The following GAS1 variants were observed in gnomAD, a reference collection of about 807,000 sequenced individuals.
GAS1 encodes growth arrest-specific protein 1.
In GAS1, 10 loss-of-function variants were observed where a neutral mutation model predicts 21.6. The observed-to-expected ratio is 0.46, with a 90% CI of 0.29 to 0.79. The LOEUF (loss-of-function observed/expected upper bound fraction) is 0.79. Among genes scored for constraint, GAS1 ranks in the 30% least tolerant of loss-of-function variants. The pLI is 0.10. For missense variants in GAS1, 567 were observed against 544.3 expected (o/e 1.04, Z -0.42); for synonymous variants, 332 against 264.0 (o/e 1.26, Z -2.50).
Position 86,946,745 on chromosome 9 carries a change from G to A in GAS1, c.35C>T (p.Ala12Val), listed in dbSNP as rs1055916094. The change falls in exon 1 of 1, where the codon GCC (alanine) becomes GTC (valine). Residue 12 changes from alanine (A) to valine (V), a missense_variant. Transcript: ENST00000298743. This position sits in a 1 kb window ranked among gnomAD's most constrained non-coding sequence, Gnocchi z 5.2. ...GGCGCCCGGCACTGTCCCCCCGCGGGCCTCGCCGCCGCCGCCCAGCAGCGC... is the reference window on the plus strand; with the variant it reads ...GGCGCCCGGCACTGTCCCCCCGCGGACCTCGCCGCCGCCGCCCAGCAGCGC... ...VAALLGGGGE[A>V]RGGTVPGAWL... 53 of 1,231,632 alleles carry A rather than the reference G, an allele frequency of 4.3e-5. No individual in the cohort carries two copies. The highest frequency in any genetic ancestry group is 5.3e-5 in the Non-Finnish European group (50 of 951,198). 76.3% of individuals were successfully genotyped at this position (1,231,632 alleles called of 1,614,324 possible).
At position 86,946,733 on chromosome 9, in the gene GAS1, GT is replaced by G; in HGVS notation, c.46del (p.Thr16GlnfsTer9). 1 of 1,308,018 alleles carries G rather than the reference GT, an allele frequency of 7.6e-7. No individual in the cohort carries two copies. The highest frequency in any genetic ancestry group is 1.9e-5 in the South Asian group (1 of 53,644). 81.0% of individuals were successfully genotyped at this position (1,308,018 alleles called of 1,614,324 possible). ...LGGGGEARGG[T>X]VPGAWLCLMA... ...CAGGCACAGCCAGGCGCCCGGCACTGTCCCCCCGCGGGCCTCGCCGCCGCCG... is the reference window on the plus strand; with the variant it reads ...CAGGCACAGCCAGGCGCCCGGCACTGCCCCCCGCGGGCCTCGCCGCCGCCG... On this transcript the variant is annotated frameshift_variant, in exon 1 of 1. Coordinates refer to ENST00000298743, the MANE Select transcript of GAS1 (RefSeq NM_002048.3). LOFTEE classifies it high-confidence loss of function. This position sits in a 1 kb window ranked among gnomAD's most constrained non-coding sequence, Gnocchi z 5.2.
Position 86,945,924 on chromosome 9 carries a change from C to T in GAS1, c.856G>A (p.Asp286Asn), listed in dbSNP as rs780204293. ...GGAGGEQPLD[D>N]DDGVPHPPRP... ...GGTGGGTGCGGGACGCCGTCGTCGT[C>T]GTCCAGCGGCTGCTCACCACCCGCG... Residue 286 changes from aspartate to asparagine, a missense_variant, in exon 1 of 1, where the codon GAC (aspartate) becomes AAC (asparagine). By Grantham distance (23) the Asp-to-Asn change is conservative. Coordinates refer to ENST00000298743, the MANE Select transcript of GAS1 (RefSeq NM_002048.3). The T allele has an allele frequency of 7.6e-6, 12 of 1,576,028 alleles. No homozygotes were observed. The highest frequency in any genetic ancestry group is 2.7e-5 in the African/African-American group (2 of 73,526).
In GAS1 at chr9:86,945,947, G is replaced by A; in HGVS notation, c.833C>T (p.Ala278Val). Reference protein sequence around the residue: ...DYDDEQRTGGAGGEQPLDDDD... With the variant: ...DYDDEQRTGGVGGEQPLDDDD... ...GTCGTCCAGCGGCTGCTCACCACCC[G>A]CGCCCCCGGTGCGCTGCTCGTCATC... The change falls in exon 1 of 1, where the codon GCG (alanine) becomes GTG (valine). Residue 278 changes from alanine to valine, a missense_variant. Physicochemically the swap from Ala to Val is moderately conservative, Grantham distance 64. Transcript: ENST00000298743. 1 of 1,593,850 alleles carries A rather than the reference G, an allele frequency of 6.3e-7. No individual in the cohort carries two copies.
In GAS1 at chr9:86,946,322, C is replaced by T; in HGVS notation, c.458G>A (p.Gly153Asp). The T allele has an allele frequency of 7.1e-7, 1 of 1,411,934 alleles. No homozygotes were observed. The highest frequency in any genetic ancestry group is 9.2e-7 in the Non-Finnish European group (1 of 1,085,922). The allele number at this position is 1,411,934 out of a possible 1,614,324, so 87.5% of individuals were successfully genotyped here. A position where few individuals can be genotyped will look rare whatever the true frequency, so the allele number is the denominator to read the frequency against. Residue 153 changes from glycine to aspartate, a missense_variant, in exon 1 of 1, where the codon GGC becomes GAC. Physicochemically the swap from Gly to Asp is moderately conservative, Grantham distance 94 (BLOSUM62 -1). Transcript: ENST00000298743. The surrounding 1 kb of genome is among the most constrained non-coding windows in gnomAD (Gnocchi z 5.2). ...GCCCGCGCCGGGGCCGCCCGCGCCG[C>T]CGCCGCTCGTCCGGGGCAGGCACGG... Reference protein sequence around the residue: ...IEPCLPRTSGGGAGGPGAGGV... With the variant: ...IEPCLPRTSGDGAGGPGAGGV...
In GAS1 at chr9:86,944,672, G is replaced by C. The variant is rs1253341195; in HGVS notation, c.*1070C>G. 6.6e-6 allele frequency: 1 copy of C among 152,090 alleles called. No individual in the cohort carries two copies. The highest frequency in any genetic ancestry group is 2.4e-5 in the African/African-American group (1 of 41,396). 9.4% of individuals were successfully genotyped at this position (152,090 alleles called of 1,614,324 possible). The stretch of plus-strand genomic sequence containing the variant: ...TGACAAATGGATTCTATACATTTCA[G>C]GGGGGAAAGGTGTAATATGGATGTG... On this transcript the variant is annotated 3_prime_UTR_variant, in exon 1 of 1. Transcript: ENST00000298743.
In GAS1 at chr9:86,945,795, C is replaced by A. The variant is rs941282755; in HGVS notation, c.985G>T (p.Ala329Ser). Residue 329 changes from alanine (A) to serine (S), a missense_variant, in exon 1 of 1, where the codon GCC becomes TCC. Physicochemically the swap from Ala to Ser is moderately conservative, Grantham distance 99 (BLOSUM62 1). Coordinates refer to ENST00000298743, the MANE Select transcript of GAS1 (RefSeq NM_002048.3). ...GGGGRLAPRG[A>S]WTPLASILLL... is the part of the protein sequence containing the mutation. ...AAGATGGAGGCGAGTGGGGTCCAGG[C>A]GCCCCGGGGCGCCAAGCGGCCGCCG... 2.6e-6 allele frequency: 4 copies of A among 1,517,690 alleles called. No individual in the cohort carries two copies. Among genetic ancestry groups the A allele is most frequent in the Admixed American group, 2.1e-5 (1 of 48,414 alleles). The allele number at this position is 1,517,690 out of a possible 1,614,324, so 94.0% of individuals were successfully genotyped here.
Position 86,944,454 on chromosome 9 carries a change from G to C in GAS1, c.*1288C>G, listed in dbSNP as rs1443177951. ...AATCCATAGTTATTTAAAAACTTAG[G>C]ATTTTTAAAAAACATGTCTATAAAA... On this transcript the variant is annotated 3_prime_UTR_variant, in exon 1 of 1. Transcript: ENST00000298743. 1 of 152,010 alleles carries C rather than the reference G, an allele frequency of 6.6e-6. No individual in the cohort carries two copies. Among genetic ancestry groups the C allele is most frequent in the African/African-American group, 2.4e-5 (1 of 41,352 alleles). 9.4% of individuals were successfully genotyped at this position (152,010 alleles called of 1,614,324 possible). A position where few individuals can be genotyped will look rare whatever the true frequency, so the allele number is the denominator to read the frequency against.
At position 86,946,781 on chromosome 9, in the gene GAS1, G is replaced by T; in HGVS notation, c.-2C>A. The T allele has an allele frequency of 1.1e-6, 1 of 909,086 alleles. No individual in the cohort carries two copies. The highest frequency in any genetic ancestry group is 1.5e-6 in the Non-Finnish European group (1 of 664,168). 56.3% of individuals were successfully genotyped at this position (909,086 alleles called of 1,614,324 possible). A position where few individuals can be genotyped will look rare whatever the true frequency, so the allele number is the denominator to read the frequency against. ...GCCGCCCAGCAGCGCGGCCACCATC[G>T]CGGGCAGCGGCGGCCGCCGGGAGAG... On this transcript the variant is annotated 5_prime_UTR_variant, in exon 1 of 1. Coordinates refer to ENST00000298743, the MANE Select transcript of GAS1 (RefSeq NM_002048.3). This position sits in a 1 kb window ranked among gnomAD's most constrained non-coding sequence, Gnocchi z 5.2.
Position 86,947,095 on chromosome 9 carries a change from C to T in GAS1, c.-316G>A. 1 of 211,748 alleles carries T rather than the reference C, an allele frequency of 4.7e-6. No individual in the cohort carries two copies. Among genetic ancestry groups the T allele is most frequent in the Non-Finnish European group, 9.9e-6 (1 of 101,070 alleles). The allele number at this position is 211,748 out of a possible 1,614,324, so 13.1% of individuals were successfully genotyped here. On this transcript the variant is annotated 5_prime_UTR_variant, in exon 1 of 1. Coordinates refer to ENST00000298743, the MANE Select transcript of GAS1 (RefSeq NM_002048.3). ...CCCGGGGGGGTGCGGGCCGCGGGGCCGTGGCGGGGCTGCAGGACCGCGCGG... is the reference window on the plus strand; with the variant it reads ...CCCGGGGGGGTGCGGGCCGCGGGGCTGTGGCGGGGCTGCAGGACCGCGCGG...
Position 86,945,718 on chromosome 9 carries a change from A to T in GAS1, c.*24T>A. On this transcript the variant is annotated 3_prime_UTR_variant, in exon 1 of 1. Coordinates refer to ENST00000298743, the MANE Select transcript of GAS1 (RefSeq NM_002048.3). ...GGGAGTGGGACGCGGGCTCTCCCGC[A>T]GCCAACGGCGGGGGGCGCGAGGGCT... is the stretch of plus-strand genomic sequence containing the variant. 1 of 1,508,600 alleles carries T rather than the reference A, an allele frequency of 6.6e-7. No individual in the cohort carries two copies. Among genetic ancestry groups the T allele is most frequent in the South Asian group, 1.2e-5 (1 of 81,526 alleles). 93.5% of individuals were successfully genotyped at this position (1,508,600 alleles called of 1,614,324 possible). A position where few individuals can be genotyped will look rare whatever the true frequency, so the allele number is the denominator to read the frequency against.
Position 86,946,404 on chromosome 9 carries a change from C to T in GAS1, c.376G>A (p.Glu126Lys). The T allele has an allele frequency of 6.7e-7, 1 of 1,488,600 alleles. No homozygotes were observed. The highest frequency in any genetic ancestry group is 8.9e-7 in the Non-Finnish European group (1 of 1,123,686). 92.2% of individuals were successfully genotyped at this position (1,488,600 alleles called of 1,614,324 possible). A position where few individuals can be genotyped will look rare whatever the true frequency, so the allele number is the denominator to read the frequency against. The change falls in exon 1 of 1, where the codon GAG becomes AAG. Residue 126 changes from glutamate to lysine, a missense_variant. By Grantham distance (56) the Glu-to-Lys change is moderately conservative. Transcript: ENST00000298743. This position sits in a 1 kb window ranked among gnomAD's most constrained non-coding sequence, Gnocchi z 5.2. The part of the protein sequence containing the change: ...LNHTRRGPAL[E>K]DCDCAQDENC... ...TCGTCCTGCGCGCAGTCACAGTCCT[C>T]CAGGGCGGGCCCGCGGCGCGTGTGG...
Position 86,946,162 on chromosome 9 carries a change from G to A in GAS1, c.618C>T (p.Val206=). The A allele has an allele frequency of 6.2e-7, 1 of 1,608,208 alleles. No individual in the cohort carries two copies. Among genetic ancestry groups the A allele is most frequent in the East Asian group, 2.2e-5 (1 of 44,834 alleles). The change falls in exon 1 of 1, where the codon GTC becomes GTT. Residue 206 remains valine (V), a synonymous_variant. Transcript: ENST00000298743. The surrounding 1 kb of genome is among the most constrained non-coding windows in gnomAD (Gnocchi z 5.2). ...GLRCTDECRT[V]IEDMLAMPKA... is the part of the protein sequence containing the mutation. The stretch of plus-strand genomic sequence containing the variant: ...TGGGCATAGCCAGCATGTCCTCAAT[G>A]ACGGTGCGGCATTCGTCCGTGCAGC...
rs1825509912 is a variant in GAS1, at chr9:86,946,989, G to A, written c.-210C>T. The A allele has an allele frequency of 6.2e-6, 2 of 320,746 alleles. No individual in the cohort carries two copies. The highest frequency in any genetic ancestry group is 5.9e-6 in the Non-Finnish European group (1 of 168,338). 19.9% of individuals were successfully genotyped at this position (320,746 alleles called of 1,614,324 possible). Reference sequence around the variant, plus strand: ...TGCGGTGGCTTCCTGGAAATGAACAGCTGTCGAGATCTGGTCCCGCTCTCC... The same window carrying A: ...TGCGGTGGCTTCCTGGAAATGAACAACTGTCGAGATCTGGTCCCGCTCTCC... On this transcript the variant is annotated 5_prime_UTR_variant, in exon 1 of 1. Coordinates refer to ENST00000298743, the MANE Select transcript of GAS1 (RefSeq NM_002048.3). This position sits in a 1 kb window ranked among gnomAD's most constrained non-coding sequence, Gnocchi z 5.2.
chr9:86,946,742 C>T lies in GAS1; in HGVS notation c.38G>A (p.Arg13His). ...CCAGGCGCCCGGCACTGTCCCCCCG[C>T]GGGCCTCGCCGCCGCCGCCCAGCAG... ...AALLGGGGEA[R>H]GGTVPGAWLC... Residue 13 changes from arginine (R) to histidine (H), a missense_variant, in exon 1 of 1, where the codon CGC becomes CAC. Coordinates refer to ENST00000298743, the MANE Select transcript of GAS1 (RefSeq NM_002048.3). This position sits in a 1 kb window ranked among gnomAD's most constrained non-coding sequence, Gnocchi z 5.2. 8.0e-7 allele frequency: 1 copy of T among 1,247,348 alleles called. No homozygotes were observed. Among genetic ancestry groups the T allele is most frequent in the Non-Finnish European group, 1.0e-6 (1 of 964,970 alleles). 77.3% of individuals were successfully genotyped at this position (1,247,348 alleles called of 1,614,324 possible). A position where few individuals can be genotyped will look rare whatever the true frequency, so the allele number is the denominator to read the frequency against.
rs1218260974 is a variant in GAS1, at chr9:86,946,098, C to G, written c.682G>C (p.Glu228Gln). 1.2e-6 allele frequency: 2 copies of G among 1,608,360 alleles called. No individual in the cohort carries two copies. The highest frequency in any genetic ancestry group is 1.3e-5 in the African/African-American group (1 of 74,980). Reference protein sequence around the residue: ...LLNDCVCDGLERPICESVKEN... With the variant: ...LLNDCVCDGLQRPICESVKEN... The stretch of plus-strand genomic sequence containing the variant: ...TTGACCGACTCGCAGATGGGCCGCT[C>G]GAGGCCGTCGCACACGCAGTCGTTG... The change falls in exon 1 of 1, where the codon GAG (glutamate) becomes CAG (glutamine). Residue 228 changes from glutamate to glutamine, a missense_variant. By Grantham distance (29) the Glu-to-Gln change is conservative. Coordinates refer to ENST00000298743, the MANE Select transcript of GAS1 (RefSeq NM_002048.3). The surrounding 1 kb of genome is among the most constrained non-coding windows in gnomAD (Gnocchi z 5.2).
chr9:86,946,758 C>T lies in GAS1; in HGVS notation c.22G>A (p.Gly8Ser), dbSNP rs1244207601. Reference protein sequence around the residue: MVAALLGGGGEARGGTVP... With the variant: MVAALLGSGGEARGGTVP... ...GTCCCCCCGCGGGCCTCGCCGCCGC[C>T]GCCCAGCAGCGCGGCCACCATCGCG... is the stretch of plus-strand genomic sequence containing the variant. Residue 8 changes from glycine to serine, a missense_variant, in exon 1 of 1, where the codon GGC becomes AGC. Physicochemically the swap from Gly to Ser is moderately conservative, Grantham distance 56. Transcript: ENST00000298743. This position sits in a 1 kb window ranked among gnomAD's most constrained non-coding sequence, Gnocchi z 5.2. The T allele has an allele frequency of 8.8e-7, 1 of 1,134,272 alleles. No individual in the cohort carries two copies. The highest frequency in any genetic ancestry group is 1.2e-6 in the Non-Finnish European group (1 of 866,028). 70.3% of individuals were successfully genotyped at this position (1,134,272 alleles called of 1,614,324 possible).
In GAS1 at chr9:86,946,938, G is replaced by A. The variant is rs1032852263; in HGVS notation, c.-159C>T. Reference sequence around the variant, plus strand: ...CGCCGCTGGCTGATGCCCCGCTGGTGGCAGAAGGTCCCCTTTCGCTCTGGC... The same window carrying A: ...CGCCGCTGGCTGATGCCCCGCTGGTAGCAGAAGGTCCCCTTTCGCTCTGGC... On this transcript the variant is annotated 5_prime_UTR_variant, in exon 1 of 1. Coordinates refer to ENST00000298743, the MANE Select transcript of GAS1 (RefSeq NM_002048.3). This position sits in a 1 kb window ranked among gnomAD's most constrained non-coding sequence, Gnocchi z 5.2. 3.2e-4 allele frequency: 110 copies of A among 341,074 alleles called. 1 individual carries two copies. The highest frequency in any genetic ancestry group is 5.4e-4 in the Non-Finnish European group (97 of 180,880). 21.1% of individuals were successfully genotyped at this position (341,074 alleles called of 1,614,324 possible).
chr9:86,946,223 T>G lies in GAS1; in HGVS notation c.557A>C (p.Tyr186Ser), dbSNP rs758112692. 5.0e-6 allele frequency: 8 copies of G among 1,595,364 alleles called. No homozygotes were observed. Among genetic ancestry groups the G allele is most frequent in the Non-Finnish European group, 6.8e-6 (8 of 1,177,124 alleles). The change falls in exon 1 of 1, where the codon TAC becomes TCC. Residue 186 changes from tyrosine (Y) to serine (S), a missense_variant. Tyr to Ser is a moderately radical substitution (Grantham distance 144, BLOSUM62 -2). Transcript: ENST00000298743. This position sits in a 1 kb window ranked among gnomAD's most constrained non-coding sequence, Gnocchi z 5.2. ...DSRCNLALSR[Y>S]LTYCGKVFNG... ...GAAGACTTTGCCGCAGTAGGTCAGG[T>G]AGCGGCTCAGCGCCAGGTTGCAGCG...
In GAS1 at chr9:86,945,859, C is replaced by A. The variant is rs941626073; in HGVS notation, c.921G>T (p.Gly307=). ...TGCGCCCAGGCCCATAGGGCAGGTC[C>A]CCGCGGCCGCCCGATGCAGCAGCGC... ...GSGAAASGGR[G]DLPYGPGRRS... The change falls in exon 1 of 1, where the codon GGG becomes GGT. Residue 307 remains glycine, a synonymous_variant. Coordinates refer to ENST00000298743, the MANE Select transcript of GAS1 (RefSeq NM_002048.3). The A allele has an allele frequency of 1.1e-4, 161 of 1,478,546 alleles. No homozygotes were observed. The highest frequency in any genetic ancestry group is 1.4e-4 in the Non-Finnish European group (159 of 1,121,406). The allele number at this position is 1,478,546 out of a possible 1,614,324, so 91.6% of individuals were successfully genotyped here.
Sources: allele counts gnomAD v4.1 joint callset, GRCh38; gene constraint gnomAD v4.1.1; non-coding constraint Gnocchi (gnomAD v3.1); transcripts MANE v1.5; gene names NCBI Gene and HGNC (gene_info 2026-07-23, HGNC 2026-07-21).